SLAIN1: variants seen among roughly 807,000 people sequenced by gnomAD.
The protein encoded by SLAIN1 is SLAIN motif-containing protein 1.
SLAIN1 carries 17 observed loss-of-function variants against 55.4 expected under a neutral mutation model. The ratio of observed to expected loss-of-function variants is 0.31; its 90% CI spans 0.21 to 0.46. SLAIN1 has a LOEUF of 0.46. Among genes scored for constraint, SLAIN1 ranks in the 20% least tolerant of loss-of-function variants. The probability of loss-of-function intolerance (pLI) is 1.00; values close to 1 mark genes in which losing one functional copy is unlikely to be tolerated. For missense variants in SLAIN1, 682 were observed against 785.1 expected (o/e 0.87, Z 1.57); for synonymous variants, 348 against 337.4 (o/e 1.03, Z -0.35).
chr13:77,737,705 C>T (rs1873192309), intron 2 of SLAIN1, among the ~76,000 whole-genome samples: 1 of 152,082 alleles, frequency 6.6e-6, no homozygotes, highest in African/African-American at 2.4e-5. Context: ...AACTTAATGT[C>T]TCCTGAAGTG....
chr13:77,700,245 A>G (rs1486487691), intron 1 of SLAIN1, among the ~76,000 whole-genome samples: 1 of 152,216 alleles, frequency 6.6e-6, no homozygotes, highest in Non-Finnish European at 1.5e-5. Context: ...TCCAAATAGC[A>G]TTGAAATAAT....
intron 2 of SLAIN1, 146 bp downstream of exon 2, chr13:77,719,817 A>G: frequency 1.3e-6 from 1 of 791,956 alleles, no homozygotes; most frequent in Non-Finnish European, 2.0e-6. Flanking sequence ...CATGTATTAC[A>G]CATCAAGCTT....
intron 2 of SLAIN1, chr13:77,742,919 C>CTTTT: frequency 3.5e-6 from 2 of 570,578 alleles, no homozygotes; most frequent in Non-Finnish European, 4.6e-6. Flanking sequence ...GTTGCTTTGT[C>CTTTT]TTTTTTTTTT....
intron 3 of SLAIN1, among the ~76,000 whole-genome samples, chr13:77,745,908 T>G (rs1478693896): frequency 6.6e-6 from 1 of 152,006 alleles, no homozygotes; most frequent in Non-Finnish European, 1.5e-5. Context: ...ATGAGAACTT[T>G]GTAGTTTGAC....
Position 77,698,089 on chromosome 13 carries a change from TGCTGCTGCTGCC to T in SLAIN1, c.179_190del (p.Leu60_Pro63del). 8.4e-7 allele frequency: 1 copy of T among 1,183,918 alleles called. No individual in the cohort carries two copies. Among genetic ancestry groups the T allele is most frequent in the Non-Finnish European group, 1.0e-6 (1 of 956,992 alleles). 73.3% of individuals were successfully genotyped at this position (1,183,918 alleles called of 1,614,324 possible). On this transcript the variant is annotated inframe_deletion, in exon 1 of 7. Coordinates refer to ENST00000418532, the MANE Select transcript of SLAIN1 (RefSeq NM_001242868.2). The surrounding 1 kb of genome is among the most constrained non-coding windows in gnomAD (Gnocchi z 4.1). ...GCCAGCGCGGCCGCCGCCCCGCACCTGCTGCTGCTGCCGCCGCCGCCGCCCGCCGCGCCGCCC... is the reference window on the plus strand; with the variant it reads ...GCCAGCGCGGCCGCCGCCCCGCACCTGCCGCCGCCGCCCGCCGCGCCGCCC...
intron 2 of SLAIN1, among the ~76,000 whole-genome samples, chr13:77,727,763 C>T (rs2154409911): frequency 6.6e-6 from 1 of 152,214 alleles, no homozygotes; most frequent in Middle Eastern, 3.4e-3. Flanking sequence ...AGGGCCTTGC[C>T]TAGTAAGTGG....
intron 1 of SLAIN1, among the ~76,000 whole-genome samples, chr13:77,706,952 TC>T (rs1345335536): frequency 6.6e-6 from 1 of 152,180 alleles, no homozygotes; most frequent in Non-Finnish European, 1.5e-5. Flanking sequence ...CTTCCTTTAT[TC>T]CTAGTATTCT....
chr13:77,739,801 G>C (rs1255693288), intron 2 of SLAIN1, among the ~76,000 whole-genome samples: 1 of 151,952 alleles, frequency 6.6e-6, no homozygotes, highest in Non-Finnish European at 1.5e-5. Context: ...TTTATCACGG[G>C]AGCATTTATC....
chr13:77,722,718 C>A (rs531572554), intron 2 of SLAIN1, among the ~76,000 whole-genome samples: 1 of 152,158 alleles, frequency 6.6e-6, no homozygotes, highest in South Asian at 2.1e-4. Context: ...TATATTCAAG[C>A]CATGCAATAT....
At chr13:77,755,697 G>T (rs565824761) in intron 5 of SLAIN1, among the ~76,000 whole-genome samples, 1 of 152,236 alleles carries the variant, frequency 6.6e-6, no homozygotes, top group East Asian at 1.9e-4. Flanking sequence ...AAATAGAGGG[G>T]AACATCCTCT....
In SLAIN1 at chr13:77,753,328, G is replaced by A. The variant is rs1455865445; in HGVS notation, c.1384G>A (p.Gly462Arg). Residue 462 changes from glycine to arginine, a missense_variant, in exon 5 of 7, where the codon GGA becomes AGA. Transcript: ENST00000418532. ...QSFDSSLHGAGNGISRIQSCI... is the reference protein window; with the variant it reads ...QSFDSSLHGARNGISRIQSCI... ...TTTTGACTCAAGCTTGCATGGAGCT[G>A]GAAATGGAATTTCAAGAATACAATC... 7 of 1,609,136 alleles carry A rather than the reference G, an allele frequency of 4.4e-6. No homozygotes were observed. Among genetic ancestry groups the A allele is most frequent in the Non-Finnish European group, 5.9e-6 (7 of 1,178,052 alleles).
intron 4 of SLAIN1, among the ~76,000 whole-genome samples, chr13:77,750,414 A>T (rs186399509): frequency 6.6e-6 from 1 of 152,146 alleles, no homozygotes; most frequent in African/African-American, 2.4e-5. Flanking sequence ...GGAAATATGT[A>T]TAGTGAAAAT....
At chr13:77,742,195 T>A (rs965702120) in intron 2 of SLAIN1, among the ~76,000 whole-genome samples, 1 of 151,934 alleles carries the variant, frequency 6.6e-6, no homozygotes, top group East Asian at 1.9e-4. Flanking sequence ...AAGAATGAGA[T>A]CATCTGCCCA....
rs151194685 is a variant in SLAIN1 at position 77,744,356 on chromosome 13, G to A, written c.840G>A (p.Glu280=). 8.1e-6 allele frequency: 13 copies of A among 1,612,734 alleles called. No homozygotes were observed. The highest frequency in any genetic ancestry group is 1.3e-5 in the African/African-American group (1 of 74,806). ...IDSELSTSEL[E]DDSISMGYKL... ...GTGAGCTGAGTACTTCAGAATTGGA[G>A]GATGATTCTATCTCCATGGGATATA... Residue 280 remains glutamate (E), a synonymous_variant, in exon 3 of 7, where the codon GAG becomes GAA. Coordinates refer to ENST00000418532, the MANE Select transcript of SLAIN1 (RefSeq NM_001242868.2).
chr13:77,726,184 ATGAAGG>A (rs1362460946), intron 2 of SLAIN1, among the ~76,000 whole-genome samples: 1 of 152,202 alleles, frequency 6.6e-6, no homozygotes, highest in African/African-American at 2.4e-5. Context: ...TCTGAAGAAA[ATGAAGG>A]AAAGGGATTT....
intron 4 of SLAIN1, among the ~76,000 whole-genome samples, chr13:77,748,536 C>G (rs1164322945): frequency 6.6e-6 from 1 of 151,280 alleles, no homozygotes; most frequent in African/African-American, 2.4e-5. Context: ...TTTGTTGCAC[C>G]TCAGAAAAGT....
At chr13:77,740,791 G>C (rs1017972181) in intron 2 of SLAIN1, among the ~76,000 whole-genome samples, 4 of 151,946 alleles carry the variant, frequency 2.6e-5, no homozygotes, top group African/African-American at 9.7e-5. Flanking sequence ...CTTTATAAAA[G>C]TGCTTCCTGT....
At chr13:77,728,247 A>G (rs2091326102) in intron 2 of SLAIN1, among the ~76,000 whole-genome samples, 1 of 152,214 alleles carries the variant, frequency 6.6e-6, no homozygotes, top group African/African-American at 2.4e-5. Context: ...GATATCCTAA[A>G]TTGAAATAAG....
At chr13:77,729,280 T>C (rs1267984162) in intron 2 of SLAIN1, among the ~76,000 whole-genome samples, 1 of 152,224 alleles carries the variant, frequency 6.6e-6, no homozygotes, top group Non-Finnish European at 1.5e-5. Context: ...TCCATGTGTT[T>C]TTTTTTCCTT....
Sources: gnomAD v4.1 joint callset for allele counts (sites outside exome capture counted in the v4.1 genomes callset) on GRCh38, gnomAD v4.1.1 for gene constraint, Gnocchi (gnomAD v3.1) non-coding constraint, MANE v1.5 for transcripts, NCBI Gene and HGNC (gene_info 2026-07-23, HGNC 2026-07-21) for gene names.